TNC: variants seen among roughly 807,000 people sequenced by gnomAD.
TNC encodes tenascin.
TNC carries 109 observed loss-of-function variants against 202.4 expected under a neutral mutation model. That is an observed-to-expected ratio of 0.54 (90% CI 0.46 to 0.63). The LOEUF (loss-of-function observed/expected upper bound fraction) is 0.63, where lower values mean the gene tolerates loss of function less well. TNC is among the 30% of genes least tolerant of loss of function. The probability of loss-of-function intolerance (pLI) is 0.00; values close to 1 mark genes in which losing one functional copy is unlikely to be tolerated. For missense variants in TNC, 2,756 were observed against 2,833.3 expected, an observed-to-expected ratio of 0.97 and a Z score of 0.62; for synonymous variants, 1,007 against 1,089.7, an observed-to-expected ratio of 0.92 and a Z score of 1.50.
intron 15 of TNC, among the ~76,000 whole-genome samples, chr9:115,048,933 CTT>C (rs80025706): frequency 3.6e-5 from 5 of 138,016 alleles, no homozygotes; most frequent in Non-Finnish European, 3.2e-5. Flanking sequence ...GCCTTCAGCT[CTT>C]TTTTTTTTTT....
intron 1 of TNC, among the ~76,000 whole-genome samples, chr9:115,095,029 A>G (rs1021598225): frequency 2.0e-5 from 3 of 152,124 alleles, no homozygotes; most frequent in African/African-American, 7.2e-5. Context: ...ATGTAAATAG[A>G]ATGGCATTGA....
rs747375791 is a variant in TNC, at chr9:115,021,228, T to C, written c.6535A>G (p.Ile2179Val). ...CTCAGCTTCATCTCAGCAAACTGGATTGAGTGTTCGTGGCCCTTCCAGTGG... is the reference window on the plus strand; with the variant it reads ...CTCAGCTTCATCTCAGCAAACTGGACTGAGTGTTCGTGGCCCTTCCAGTGG... ...WFHWKGHEHS[I>V]QFAEMKLRPS... Residue 2179 changes from isoleucine to valine, a missense_variant, in exon 28 of 28, where the codon ATC becomes GTC. Physicochemically the swap from Ile to Val is conservative, Grantham distance 29 (BLOSUM62 3). Transcript: ENST00000350763. The C allele has an allele frequency of 2.5e-6, 4 of 1,613,370 alleles. No homozygotes were observed. The East Asian group carries it at 6.7e-5, about 27-fold the overall frequency.
chr9:115,098,805 G>A (rs1334064108), intron 1 of TNC, among the ~76,000 whole-genome samples: 1 of 152,152 alleles, frequency 6.6e-6, no homozygotes, highest in Non-Finnish European at 1.5e-5. Flanking sequence ...GGCCTGTCAA[G>A]CATAGAGTTG....
intron 6 of TNC, among the ~76,000 whole-genome samples, chr9:115,078,494 A>G (rs1248689779): frequency 1.3e-5 from 2 of 149,812 alleles, no homozygotes; most frequent in Non-Finnish European, 1.5e-5. Flanking sequence ...TGTCACATGA[A>G]AAAAAAAAAG....
chr9:115,055,955 T>C (rs1273320612), intron 15 of TNC, among the ~76,000 whole-genome samples: 1 of 152,190 alleles, frequency 6.6e-6, no homozygotes, highest in Non-Finnish European at 1.5e-5. Context: ...TAAGTTTTTT[T>C]ATACTTGAAC....
rs1363702557 is a variant in TNC at position 115,019,664 on chromosome 9, T to A, written c.*1493A>T. On this transcript the variant is annotated 3_prime_UTR_variant, in exon 28 of 28. Transcript: ENST00000350763. ...CCCCAGTCCATCTCATATAAAGTGA[T>A]AATGATGATAGCTAACATGTACTAG... is the stretch of plus-strand genomic sequence containing the variant. The A allele has an allele frequency of 6.6e-6, 1 of 152,264 alleles. No homozygotes were observed. The highest frequency in any genetic ancestry group is 1.5e-5 in the Non-Finnish European group (1 of 68,048). The allele number at this position is 152,264 out of a possible 1,614,324, so 9.4% of individuals were successfully genotyped here.
intron 1 of TNC, among the ~76,000 whole-genome samples, chr9:115,101,299 C>G (rs966399930): frequency 6.6e-6 from 1 of 152,188 alleles, no homozygotes. Flanking sequence ...GCAACTTCTA[C>G]CTTCCAGGTT....
At position 115,041,058 on chromosome 9, in the gene TNC, C is replaced by T. The variant is rs113892305; in HGVS notation, c.5275G>A (p.Gly1759Arg). 78 of 1,613,928 alleles carry T rather than the reference C, an allele frequency of 4.8e-5. No homozygotes were observed. The highest frequency in any genetic ancestry group is 3.3e-4 in the Middle Eastern group (2 of 6,060). The change falls in exon 19 of 28, where the codon GGA (glycine) becomes AGA (arginine). Residue 1759 changes from glycine to arginine, a missense_variant. Transcript: ENST00000350763. ...ACCAGCCTGGTCTGAGTCTTGGTTC[C>T]GTCCACAGTTACCATGGAGGGTGTA... ...GGTPSMVTVD[G>R]TKTQTRLVKL...
chr9:115,068,533 G>A (rs7847271), intron 10 of TNC, among the ~76,000 whole-genome samples: 23,029 of 152,132 alleles, frequency 0.15, 2,144 homozygotes, highest in African/African-American at 0.26. Flanking sequence ...ATCTTCAGTC[G>A]CTTTACTCTC....
intron 17 of TNC, among the ~76,000 whole-genome samples, chr9:115,046,010 A>C (rs1385807532): frequency 6.6e-6 from 1 of 152,100 alleles, no homozygotes; most frequent in Non-Finnish European, 1.5e-5. Context: ...AAATGATGAG[A>C]TATGATATGA....
intron 25 of TNC, among the ~76,000 whole-genome samples, chr9:115,027,736 G>A (rs1314868277): frequency 6.6e-6 from 1 of 152,172 alleles, no homozygotes; most frequent in East Asian, 1.9e-4. Context: ...CTGCAGTTAG[G>A]TGGTTGGAAA....
chr9:115,103,243 T>G (rs1836367202), intron 1 of TNC, among the ~76,000 whole-genome samples: 1 of 152,176 alleles, frequency 6.6e-6, no homozygotes, highest in Non-Finnish European at 1.5e-5. Context: ...AGTAAACTCC[T>G]TTGGCAGAAG....
At chr9:115,065,164 G>T (rs1479015806) in intron 10 of TNC, among the ~76,000 whole-genome samples, 1 of 152,216 alleles carries the variant, frequency 6.6e-6, no homozygotes, top group East Asian at 1.9e-4. Context: ...GGGAGGCCAA[G>T]GTGGGTGGAT....
chr9:115,049,446 A>T (rs1162867479), intron 15 of TNC, among the ~76,000 whole-genome samples: 1 of 152,136 alleles, frequency 6.6e-6, no homozygotes, highest in Non-Finnish European at 1.5e-5. Flanking sequence ...CATCTAAAAA[A>T]ACCAGAGAGG....
At chr9:115,111,438 C>T (rs1179655491) in intron 1 of TNC, among the ~76,000 whole-genome samples, 3 of 103,328 alleles carry the variant, frequency 2.9e-5, no homozygotes, top group East Asian at 3.4e-4. Flanking sequence ...GATGGAATCT[C>T]GCTCTTGTTG....
In TNC at chr9:115,083,068, A is replaced by G. The variant is rs10982515; in HGVS notation, c.2132-261T>C. Among the ~76,000 whole-genome samples, 8,238 of 152,306 alleles carry G rather than the reference A, an allele frequency of 0.054. 259 individuals are homozygous for G. The highest frequency in any genetic ancestry group is 0.15 in the Middle Eastern group (44 of 294). Reference sequence around the variant, plus strand: ...GAACGCAGGCTTTGGAATCAGACAGACTTGGGGTTAGAATCTAAGCTCTAC... The same window carrying G: ...GAACGCAGGCTTTGGAATCAGACAGGCTTGGGGTTAGAATCTAAGCTCTAC... On this transcript the variant is annotated intron_variant, in intron 4 of 27. Coordinates refer to ENST00000350763, the MANE Select transcript of TNC (RefSeq NM_002160.4).
intron 6 of TNC, among the ~76,000 whole-genome samples, chr9:115,079,859 A>C (rs559281040): frequency 6.6e-6 from 1 of 152,328 alleles, no homozygotes; most frequent in African/African-American, 2.4e-5. Flanking sequence ...GTATAATACC[A>C]CCTTTATATA....
intron 1 of TNC, chr9:115,112,559 T>C (rs1837159164): frequency 1.3e-5 from 2 of 152,186 alleles, no homozygotes; most frequent in African/African-American, 4.8e-5. Context: ...TAAGCCCTTT[T>C]AGTTTGAAAA....
chr9:115,031,269 T>C (rs371859780), intron 23 of TNC, among the ~76,000 whole-genome samples: 42 of 152,328 alleles, frequency 2.8e-4, no homozygotes, highest in African/African-American at 9.4e-4. Flanking sequence ...TCTCCCTGTA[T>C]AGACGAAGAA....
Sources: allele counts gnomAD v4.1 joint callset (sites outside exome capture counted in the v4.1 genomes callset), GRCh38; gene constraint gnomAD v4.1.1; transcripts MANE v1.5; gene names NCBI Gene and HGNC (gene_info 2026-07-23, HGNC 2026-07-21).